The following MAF variants were observed in gnomAD, a reference collection of about 807,000 sequenced individuals.
The protein encoded by MAF is transcription factor Maf.
A neutral mutation model predicts 22.0 loss-of-function variants in MAF; 10 were observed. The ratio of observed to expected loss-of-function variants is 0.45; its 90% CI spans 0.28 to 0.77. The LOEUF is 0.77. Ranked by LOEUF, MAF falls within the 30% of genes least tolerant of loss-of-function variation. The pLI is 0.12. For synonymous variants in MAF, 337 were observed against 255.8 expected, an observed-to-expected ratio of 1.32 and a Z score of -3.03; for missense variants, 544 against 548.4, an observed-to-expected ratio of 0.99 and a Z score of 0.08.
chr16:79,572,929 G>T, the MAF span, among the ~76,000 whole-genome samples: 7 of 152,166 alleles, frequency 4.6e-5, no homozygotes, highest in Non-Finnish European at 8.8e-5. Context: ...TGCTTAAGAG[G>T]TTACCCAATT....
At chr16:79,483,633 G>C in the MAF span, among the ~76,000 whole-genome samples, 3 of 152,132 alleles carry the variant, frequency 2.0e-5, no homozygotes, top group Non-Finnish European at 2.9e-5. Context: ...GTCTGTTCTA[G>C]CAGAGGTAGC....
chr16:79,345,726 CAAAAAAAAAAAA>C, the MAF span, among the ~76,000 whole-genome samples: 41 of 68,362 alleles, frequency 6.0e-4, 1 homozygote, highest in South Asian at 0.021. Context: ...GACTCCGTCT[CAAAAAAAAAAAA>C]AAAAAAAAAA....
At chr16:79,307,097 T>G in the MAF span, among the ~76,000 whole-genome samples, 5 of 152,198 alleles carry the variant, frequency 3.3e-5, no homozygotes, top group Non-Finnish European at 7.4e-5. Context: ...ACCTTCTTTT[T>G]CCACTCAAGA....
intron 1 of MAF, chr16:79,596,976 T>G: frequency 9.5e-7 from 1 of 1,052,472 alleles, no homozygotes; most frequent in Non-Finnish European, 1.1e-6. Context: ...AAACATACAT[T>G]TTTGAATGTA....
At chr16:79,250,527 T>C in the MAF span, among the ~76,000 whole-genome samples, 1 of 152,218 alleles carries the variant, frequency 6.6e-6, no homozygotes, top group South Asian at 2.1e-4. Context: ...ACTTCCATTA[T>C]ATGGAGGGAC....
At chr16:79,215,273 G>A in the MAF span, among the ~76,000 whole-genome samples, 3 of 151,858 alleles carry the variant, frequency 2.0e-5, no homozygotes, top group Admixed American at 2.0e-4. Context: ...ACAGAGATGG[G>A]GTCTTGCTAT....
chr16:79,322,165 G>A, the MAF span, among the ~76,000 whole-genome samples: 37 of 152,240 alleles, frequency 2.4e-4, no homozygotes, highest in Non-Finnish European at 4.4e-4. Context: ...CCCAGGAGGC[G>A]GAGGTTGCAT....
chr16:79,315,911 CT>C, the MAF span, among the ~76,000 whole-genome samples: 17 of 152,216 alleles, frequency 1.1e-4, no homozygotes, highest in Admixed American at 1.1e-3. Context: ...CAATCTGCTC[CT>C]GGGTGTGTGG....
the MAF span, among the ~76,000 whole-genome samples, chr16:79,425,013 G>A: frequency 6.6e-6 from 1 of 151,918 alleles, no homozygotes; most frequent in Non-Finnish European, 1.5e-5. Flanking sequence ...GCTTAGAGAA[G>A]GTGATTTTTT....
the MAF span, among the ~76,000 whole-genome samples, chr16:79,250,392 C>G: frequency 5.3e-5 from 8 of 152,210 alleles, no homozygotes; most frequent in African/African-American, 1.9e-4. Flanking sequence ...TCAGCTGTCT[C>G]CAATTCCCAA....
At chr16:79,412,955 C>T in the MAF span, among the ~76,000 whole-genome samples, 1 of 152,234 alleles carries the variant, frequency 6.6e-6, no homozygotes, top group Non-Finnish European at 1.5e-5. Flanking sequence ...GGGTCAGCAT[C>T]TGTGAGAGTT....
the MAF span, among the ~76,000 whole-genome samples, chr16:79,388,450 A>G: frequency 2.0e-5 from 3 of 152,222 alleles, no homozygotes; most frequent in South Asian, 2.1e-4. Context: ...TATATAGTCC[A>G]TAGGATACTT....
the MAF span, among the ~76,000 whole-genome samples, chr16:79,265,433 G>C: frequency 6.6e-6 from 1 of 152,124 alleles, no homozygotes; most frequent in East Asian, 1.9e-4. Flanking sequence ...TCCCGAATAA[G>C]TGACTCTAAG....
At chr16:79,449,834 G>A in the MAF span, among the ~76,000 whole-genome samples, 27 of 152,198 alleles carry the variant, frequency 1.8e-4, no homozygotes, top group Non-Finnish European at 3.4e-4. Context: ...AACTCTAGAA[G>A]AGGTTCAAGA....
At chr16:79,348,406 G>C in the MAF span, among the ~76,000 whole-genome samples, 1 of 152,210 alleles carries the variant, frequency 6.6e-6, no homozygotes, top group African/African-American at 2.4e-5. Context: ...TCTTTAAAGA[G>C]TTTTAATCCT....
the MAF span, among the ~76,000 whole-genome samples, chr16:79,235,490 C>T: frequency 6.6e-6 from 1 of 151,996 alleles, no homozygotes; most frequent in South Asian, 2.1e-4. Flanking sequence ...CGCTTGAGCC[C>T]AGGAGTTTGA....
At chr16:79,337,303 G>A in the MAF span, among the ~76,000 whole-genome samples, 1 of 152,162 alleles carries the variant, frequency 6.6e-6, no homozygotes, top group Non-Finnish European at 1.5e-5. Context: ...CAGGCATGGT[G>A]GCTCACACCT....
At chr16:79,215,812 C>G in the MAF span, among the ~76,000 whole-genome samples, 2 of 152,186 alleles carry the variant, frequency 1.3e-5, no homozygotes, top group African/African-American at 2.4e-5. Flanking sequence ...CATCTTGGGT[C>G]TGTAGGAGTC....
chr16:79,392,678 G>A, the MAF span, among the ~76,000 whole-genome samples: 36 of 152,258 alleles, frequency 2.4e-4, no homozygotes, highest in East Asian at 6.6e-3. Flanking sequence ...GATTTGTTAG[G>A]AAGAGGGTGA....
Sources: allele counts gnomAD v4.1 joint callset (sites outside exome capture counted in the v4.1 genomes callset), GRCh38; gene constraint gnomAD v4.1.1; transcripts MANE v1.5; gene names NCBI Gene and HGNC (gene_info 2026-07-23, HGNC 2026-07-21).